KIT: variants seen among roughly 807,000 people sequenced by gnomAD.
The protein encoded by KIT is KIT proto-oncogene, receptor tyrosine kinase.
Under a neutral mutation model 105.7 loss-of-function variants are expected in KIT, and 16 were observed. The observed-to-expected ratio is 0.15, with a 90% CI of 0.10 to 0.23. The LOEUF is 0.23. Among genes scored for constraint, KIT ranks in the 10% least tolerant of loss-of-function variants. The probability of loss-of-function intolerance (pLI) is 1.00; values close to 1 mark genes in which losing one functional copy is unlikely to be tolerated. For missense variants in KIT, 858 were observed against 1,213.8 expected (o/e 0.71, Z 4.36); for synonymous variants, 438 against 441.1 (o/e 0.99, Z 0.09).
In KIT at chr4:54,731,289, C is replaced by T. The variant is rs779226350; in HGVS notation, c.2142-39C>T. On this transcript the variant is annotated intron_variant, in intron 14 of 20. Transcript: ENST00000288135. ...GACCCATGAGTGCCCTTCTACATGT[C>T]CCACTTGATTCAGTCATGACTTGTT... The T allele has an allele frequency of 5.6e-6, 8 of 1,423,150 alleles. No homozygotes were observed. The African/African-American group carries it at 9.9e-5, about 18-fold the overall frequency. 88.2% of individuals were successfully genotyped at this position (1,423,150 alleles called of 1,614,324 possible).
At chr4:54,719,352 T>A (rs1721707859) in intron 7 of KIT, among the ~76,000 whole-genome samples, 1 of 152,228 alleles carries the variant, frequency 6.6e-6, no homozygotes, top group Non-Finnish European at 1.5e-5. Context: ...ATTCATTTTG[T>A]TCTTGCTTTC....
intron 1 of KIT, among the ~76,000 whole-genome samples, chr4:54,680,403 T>A (rs2109603133): frequency 6.6e-6 from 1 of 150,510 alleles, no homozygotes; most frequent in Non-Finnish European, 1.5e-5. Flanking sequence ...TTTTTTTTTT[T>A]TTAATGAGAA....
At chr4:54,668,413 A>G (rs142155279) in intron 1 of KIT, among the ~76,000 whole-genome samples, 18 of 152,376 alleles carry the variant, frequency 1.2e-4, no homozygotes, top group African/African-American at 4.1e-4. Flanking sequence ...GAGGCAAAAT[A>G]TCCACCTTCA....
At chr4:54,678,292 CCTT>C (rs1718632357) in intron 1 of KIT, among the ~76,000 whole-genome samples, 8 of 26,068 alleles carry the variant, frequency 3.1e-4, no homozygotes, top group South Asian at 1.7e-3. Context: ...CTGGCTCGCT[CCTT>C]CCTTCCTTCC....
chr4:54,740,338 AGTAAGAAAAGT>A lies in KIT; in HGVS notation c.*1783_*1793del. 1 of 233,594 alleles carries A rather than the reference AGTAAGAAAAGT, an allele frequency of 4.3e-6. No homozygotes were observed. Among genetic ancestry groups the A allele is most frequent in the Non-Finnish European group, 8.5e-6 (1 of 117,988 alleles). The allele number at this position is 233,594 out of a possible 1,614,324, so 14.5% of individuals were successfully genotyped here. A position where few individuals can be genotyped will look rare whatever the true frequency, so the allele number is the denominator to read the frequency against. On this transcript the variant is annotated 3_prime_UTR_variant, in exon 21 of 21. Transcript: ENST00000288135. ...TTGTGTTTCTATTGACTTCAATGAT[AGTAAGAAAAGT>A]GGTTGTTAGTTATAGATGTCTAGGT...
rs533406948 is a variant in KIT at position 54,729,803 on chromosome 4, A to C, written c.2141+318A>C. On this transcript the variant is annotated intron_variant, in intron 14 of 20. Transcript: ENST00000288135. Reference sequence around the variant, plus strand: ...GCATGTATTTCCATTTATACTATTGAGCTTGGTACTACATGCATGTTTCCA... The same window carrying C: ...GCATGTATTTCCATTTATACTATTGCGCTTGGTACTACATGCATGTTTCCA... 2.0e-3 allele frequency among the ~76,000 whole-genome samples: 310 copies of C among 152,172 alleles called. 2 individuals carry two copies. The highest frequency in any genetic ancestry group is 7.2e-3 in the African/African-American group (300 of 41,506).
At chr4:54,717,839 T>C (rs1721602516) in intron 7 of KIT, among the ~76,000 whole-genome samples, 1 of 152,000 alleles carries the variant, frequency 6.6e-6, no homozygotes, top group Non-Finnish European at 1.5e-5. Flanking sequence ...GAGGCTTTTG[T>C]CCCATGCCTG....
rs114445741 is a variant in KIT, at chr4:54,708,132, C to G, written c.1115+845C>G. The stretch of plus-strand genomic sequence containing the variant: ...GAGAGGCAGGGAGGAGTTGAAGATG[C>G]CTTTAGGTTGGGTGGTGAGAGACCA... On this transcript the variant is annotated intron_variant, in intron 6 of 20. Coordinates refer to ENST00000288135, the MANE Select transcript of KIT (RefSeq NM_000222.3). Among the ~76,000 whole-genome samples the G allele has an allele frequency of 8.0e-3, 1,209 of 152,050 alleles. 16 individuals are homozygous for G. Among genetic ancestry groups the G allele is most frequent in the African/African-American group, 0.027 (1,114 of 41,454 alleles).
chr4:54,690,367 G>GT (rs1446723433), intron 1 of KIT, among the ~76,000 whole-genome samples: 2 of 152,252 alleles, frequency 1.3e-5, no homozygotes, highest in East Asian at 1.9e-4. Context: ...TTGACTCTTC[G>GT]TAAGTGTCCG....
rs1182561091 is a variant in KIT, at chr4:54,699,709, C to T, written c.699C>T (p.Cys233=). 6.2e-7 allele frequency: 1 copy of T among 1,613,766 alleles called. No individual in the cohort carries two copies. The highest frequency in any genetic ancestry group is 1.3e-5 in the African/African-American group (1 of 74,874). The change falls in exon 4 of 21, where the codon TGC becomes TGT. Residue 233 remains cysteine, a synonymous_variant. Coordinates refer to ENST00000288135, the MANE Select transcript of KIT (RefSeq NM_000222.3). The part of the protein sequence containing the change: ...LREGEEFTVT[C]TIKDVSSSVY... ...AAGGGGAAGAATTCACAGTGACGTG[C>T]ACAATAAAAGATGTGTCTAGTTCTG...
intron 1 of KIT, among the ~76,000 whole-genome samples, chr4:54,693,389 C>G (rs373507039): frequency 8.5e-5 from 13 of 152,160 alleles, no homozygotes; most frequent in Non-Finnish European, 1.5e-4. Flanking sequence ...ATGACCCTTT[C>G]CTACACCGTC....
At chr4:54,676,268 C>CT (rs1036284172) in intron 1 of KIT, among the ~76,000 whole-genome samples, 5 of 128,346 alleles carry the variant, frequency 3.9e-5, no homozygotes, top group Admixed American at 2.2e-4. Flanking sequence ...GTTGGAAACT[C>CT]TGAGAGCAGG....
At chr4:54,672,856 C>A (rs1292916148) in intron 1 of KIT, among the ~76,000 whole-genome samples, 1 of 152,112 alleles carries the variant, frequency 6.6e-6, no homozygotes, top group African/African-American at 2.4e-5. Flanking sequence ...GGAAGTAGTT[C>A]CTGAATTATA....
chr4:54,708,203 G>A (rs1439769004), intron 6 of KIT, among the ~76,000 whole-genome samples: 1 of 152,120 alleles, frequency 6.6e-6, no homozygotes, highest in Non-Finnish European at 1.5e-5. Context: ...AAGTTTCTGA[G>A]GAAAGACAGT....
At chr4:54,676,235 G>T (rs1718459267) in intron 1 of KIT, among the ~76,000 whole-genome samples, 1 of 151,902 alleles carries the variant, frequency 6.6e-6, no homozygotes, top group South Asian at 2.1e-4. Context: ...CAAACTCTCC[G>T]CCCCCACCCA....
chr4:54,733,748 T>G (rs1279732554), intron 17 of KIT, among the ~76,000 whole-genome samples: 1 of 152,168 alleles, frequency 6.6e-6, no homozygotes, highest in African/African-American at 2.4e-5. Context: ...GTCCTATAAT[T>G]GCAGCACCTT....
At chr4:54,732,031 G>A (rs370147199) in intron 16 of KIT, 33 bp downstream of exon 16, 2 of 1,118,418 alleles carry the variant, frequency 1.8e-6, no homozygotes, top group African/African-American at 1.7e-5. Context: ...AGAGTTTTGT[G>A]TTTTGTTTTT....
intron 1 of KIT, among the ~76,000 whole-genome samples, chr4:54,670,975 A>G (rs1231183493): frequency 6.6e-6 from 1 of 151,970 alleles, no homozygotes; most frequent in East Asian, 1.9e-4. Flanking sequence ...TTCAGTTTTA[A>G]TAATAACTGT....
chr4:54,699,421 T>C (rs1013166575), intron 3 of KIT, among the ~76,000 whole-genome samples: 1 of 152,194 alleles, frequency 6.6e-6, no homozygotes, highest in African/African-American at 2.4e-5. Context: ...TGGGCATTTC[T>C]GTCTTTTTCA....
Sources: gnomAD v4.1 joint callset for allele counts (sites outside exome capture counted in the v4.1 genomes callset) on GRCh38, gnomAD v4.1.1 for gene constraint, MANE v1.5 for transcripts, NCBI Gene and HGNC (gene_info 2026-07-23, HGNC 2026-07-21) for gene names.